NPRL3: variants seen among roughly 807,000 people sequenced by gnomAD.
NPRL3 encodes the protein GATOR1 complex protein NPRL3.
Under a neutral mutation model 57.2 loss-of-function variants are expected in NPRL3, and 23 were observed. The ratio of observed to expected loss-of-function variants is 0.40; its 90% CI spans 0.29 to 0.57. The LOEUF (loss-of-function observed/expected upper bound fraction) is 0.57, where lower values mean the gene tolerates loss of function less well. Among genes scored for constraint, NPRL3 ranks in the 20% least tolerant of loss-of-function variants. The probability of loss-of-function intolerance (pLI) is 0.42; values close to 1 mark genes in which losing one functional copy is unlikely to be tolerated. For synonymous variants in NPRL3, 333 were observed against 321.1 expected (o/e 1.04, Z -0.39); for missense variants, 691 against 767.1 (o/e 0.90, Z 1.17).
chr16:106,315 CAAAT>C (rs111453355), intron 7 of NPRL3, among the ~76,000 whole-genome samples: 12 of 150,764 alleles, frequency 8.0e-5, no homozygotes, highest in Non-Finnish European at 1.2e-4. Context: ...CTCAAACAAA[CAAAT>C]AAATAAATAA....
rs1567126239 is a variant in NPRL3, at chr16:85,510, G to T, written c.*1195C>A. ...AAGGCACCGCCAGCCGTGTCCTCAA[G>T]GACCGCGAGCTCTGCAGTGGCCCCT... is the stretch of plus-strand genomic sequence containing the variant. On this transcript the variant is annotated 3_prime_UTR_variant, in exon 14 of 14. Coordinates refer to ENST00000611875, the MANE Select transcript of NPRL3 (RefSeq NM_001077350.3). 4 of 1,613,386 alleles carry T rather than the reference G, an allele frequency of 2.5e-6. No homozygotes were observed. Among genetic ancestry groups the T allele is most frequent in the Non-Finnish European group, 2.5e-6 (3 of 1,180,040 alleles).
chr16:110,841 C>T (rs1010200754), intron 6 of NPRL3, among the ~76,000 whole-genome samples: 3 of 152,182 alleles, frequency 2.0e-5, no homozygotes, highest in South Asian at 2.1e-4. Flanking sequence ...TGAGCCACCA[C>T]GCCTGGCCTA....
intron 7 of NPRL3, among the ~76,000 whole-genome samples, chr16:103,121 G>T (rs1455995730): frequency 6.6e-6 from 1 of 151,800 alleles, no homozygotes; most frequent in Non-Finnish European, 1.5e-5. Context: ...AGAAAGGAGG[G>T]CCACTGGAAA....
intron 7 of NPRL3, 26 bp from the exon 8 acceptor site, chr16:100,535 G>A (rs1225122236): frequency 2.1e-5 from 32 of 1,513,996 alleles, no homozygotes; most frequent in African/African-American, 2.8e-5. Context: ...GCTGTTACCC[G>A]TTCACATAAA....
intron 12 of NPRL3, chr16:89,179 C>A: frequency 2.3e-6 from 1 of 438,806 alleles, no homozygotes; most frequent in South Asian, 3.7e-5. Context: ...GGCATCCTGT[C>A]CCTCACCCAG....
chr16:125,487 T>C lies in NPRL3; in HGVS notation c.188+5035A>G, dbSNP rs549870801. Among the ~76,000 whole-genome samples, 4 of 152,282 alleles carry C rather than the reference T, an allele frequency of 2.6e-5. No homozygotes were observed. In the East Asian group the frequency reaches 7.7e-4, roughly 29 times the overall value. On this transcript the variant is annotated intron_variant, in intron 3 of 13. Coordinates refer to ENST00000611875, the MANE Select transcript of NPRL3 (RefSeq NM_001077350.3). ...CATTTTACAGACTTGCGTCTGCCCC[T>C]CTGAGGGAGGCAGGGCCATCAGCTA...
At chr16:101,177 C>T (rs1899285820) in intron 7 of NPRL3, among the ~76,000 whole-genome samples, 1 of 152,108 alleles carries the variant, frequency 6.6e-6, no homozygotes, top group Non-Finnish European at 1.5e-5. Flanking sequence ...CAGAGTACAT[C>T]CTCCCTGTGA....
chr16:131,279 AC>A (rs1231843122), intron 2 of NPRL3, among the ~76,000 whole-genome samples: 1 of 152,116 alleles, frequency 6.6e-6, no homozygotes, highest in Non-Finnish European at 1.5e-5. Flanking sequence ...GGAGATCAAG[AC>A]CATCCTGGCT....
intron 9 of NPRL3, 37 bp downstream of exon 9, chr16:98,108 C>T (rs761854585): frequency 2.9e-5 from 47 of 1,599,566 alleles, no homozygotes; most frequent in Non-Finnish European, 3.7e-5. Context: ...GCCCCAGCAC[C>T]GCCACATGCC....
rs1429711806 is a variant in NPRL3, at chr16:85,796, C to G, written c.*909G>C. 2.7e-6 allele frequency: 4 copies of G among 1,459,814 alleles called. No homozygotes were observed. Among genetic ancestry groups the G allele is most frequent in the Non-Finnish European group, 2.7e-6 (3 of 1,103,838 alleles). The allele number at this position is 1,459,814 out of a possible 1,614,324, so 90.4% of individuals were successfully genotyped here. On this transcript the variant is annotated 3_prime_UTR_variant, in exon 14 of 14. Transcript: ENST00000611875. ...GGCCTGAGCAAAGGGCCTGCCCAGA[C>G]AAGATTTTTTAATTGTTTAAAAACC... is the stretch of plus-strand genomic sequence containing the variant.
At chr16:121,269 TC>T (rs1308719654) in intron 3 of NPRL3, among the ~76,000 whole-genome samples, 1 of 152,162 alleles carries the variant, frequency 6.6e-6, no homozygotes, top group Non-Finnish European at 1.5e-5. Context: ...AAAGGCTCTT[TC>T]CCTGCTAGAG....
intron 8 of NPRL3, among the ~76,000 whole-genome samples, chr16:99,383 C>T (rs770661986): frequency 2.6e-5 from 4 of 152,144 alleles, no homozygotes; most frequent in African/African-American, 7.2e-5. Context: ...TGGTGGCTAA[C>T]ACCTGTAACC....
intron 7 of NPRL3, among the ~76,000 whole-genome samples, chr16:106,422 C>G (rs1899529433): frequency 6.6e-6 from 1 of 151,946 alleles, no homozygotes; most frequent in African/African-American, 2.4e-5. Context: ...TGCTTGAGTC[C>G]AGGAATTCAA....
At chr16:105,452 T>C (rs1899484371) in intron 7 of NPRL3, among the ~76,000 whole-genome samples, 1 of 152,166 alleles carries the variant, frequency 6.6e-6, no homozygotes, top group African/African-American at 2.4e-5. Flanking sequence ...ACAGCCTACC[T>C]TGAAATTTCA....
rs762883064 is a variant in NPRL3 at position 85,508 on chromosome 16, A to G, written c.*1197T>C. The G allele has an allele frequency of 2.3e-5, 37 of 1,613,230 alleles. No individual in the cohort carries two copies. Among genetic ancestry groups the G allele is most frequent in the Non-Finnish European group, 2.7e-5 (32 of 1,180,028 alleles). ...GAAAGGCACCGCCAGCCGTGTCCTC[A>G]AGGACCGCGAGCTCTGCAGTGGCCC... On this transcript the variant is annotated 3_prime_UTR_variant, in exon 14 of 14. Coordinates refer to ENST00000611875, the MANE Select transcript of NPRL3 (RefSeq NM_001077350.3).
intron 7 of NPRL3, among the ~76,000 whole-genome samples, chr16:101,029 G>C (rs564182023): frequency 4.7e-4 from 68 of 144,710 alleles, no homozygotes; most frequent in African/African-American, 1.7e-3. Context: ...ACATATTTCT[G>C]GCTAGCCCTG....
At chr16:116,799 C>CCCCCCCA (rs1555443766) in intron 5 of NPRL3, among the ~76,000 whole-genome samples, 2 of 145,306 alleles carry the variant, frequency 1.4e-5, no homozygotes, top group African/African-American at 2.5e-5. Flanking sequence ...CCCCCCCCCC[C>CCCCCCCA]ACCGATCTCT....
intron 4 of NPRL3, among the ~76,000 whole-genome samples, chr16:118,207 C>A (rs550821389): frequency 6.6e-6 from 1 of 152,264 alleles, no homozygotes; most frequent in Admixed American, 6.5e-5. Context: ...ATAAATGTAG[C>A]TAAATCCTAC....
At chr16:101,598 G>A (rs953737069) in intron 7 of NPRL3, among the ~76,000 whole-genome samples, 5 of 152,190 alleles carry the variant, frequency 3.3e-5, no homozygotes, top group African/African-American at 1.2e-4. Flanking sequence ...TCCACCTGCA[G>A]GGATGTCCAA....
Sources: allele counts gnomAD v4.1 joint callset (sites outside exome capture counted in the v4.1 genomes callset), GRCh38; gene constraint gnomAD v4.1.1; transcripts MANE v1.5; gene names NCBI Gene and HGNC (gene_info 2026-07-23, HGNC 2026-07-21).